SYT1: variants seen among roughly 807,000 people sequenced by gnomAD.
SYT1 encodes the protein synaptotagmin 1.
A neutral mutation model predicts 44.8 loss-of-function variants in SYT1; 8 were observed. The ratio of observed to expected loss-of-function variants is 0.18; its 90% CI spans 0.10 to 0.32. The LOEUF (loss-of-function observed/expected upper bound fraction) is 0.32, where lower values mean the gene tolerates loss of function less well. Among genes scored for constraint, SYT1 ranks in the 10% least tolerant of loss-of-function variants. The probability of loss-of-function intolerance (pLI) is 1.00; values close to 1 mark genes in which losing one functional copy is unlikely to be tolerated. For missense variants in SYT1, 286 were observed against 509.3 expected (o/e 0.56, Z 4.22); for synonymous variants, 154 against 188.8 (o/e 0.82, Z 1.51).
intron 2 of SYT1, among the ~76,000 whole-genome samples, chr12:79,044,961 G>A (rs904758429): frequency 1.3e-5 from 2 of 152,186 alleles, no homozygotes; most frequent in African/African-American, 2.4e-5. Flanking sequence ...ACACACTTGA[G>A]GAGGCAGTCT....
chr12:78,913,159 T>C (rs1353238853), intron 1 of SYT1, among the ~76,000 whole-genome samples: 1 of 151,682 alleles, frequency 6.6e-6, no homozygotes. Flanking sequence ...ATTTTATTTC[T>C]CTGTTCTTCA....
chr12:78,890,445 G>A (rs145447495), intron 1 of SYT1, among the ~76,000 whole-genome samples: 7 of 151,930 alleles, frequency 4.6e-5, no homozygotes, highest in East Asian at 1.9e-4. Context: ...TGTAAATGAC[G>A]AGTTAATGGG....
At chr12:79,227,876 A>G (rs1477889276) in intron 4 of SYT1, among the ~76,000 whole-genome samples, 1 of 152,176 alleles carries the variant, frequency 6.6e-6, no homozygotes, top group Non-Finnish European at 1.5e-5. Context: ...TTTCTATTTT[A>G]GAAAAACCCT....
At chr12:79,229,589 ATTTTTTAT>A (rs1239621876) in intron 4 of SYT1, among the ~76,000 whole-genome samples, 3 of 105,196 alleles carry the variant, frequency 2.9e-5, no homozygotes, top group African/African-American at 1.2e-4. Flanking sequence ...GGTTTTTTTT[ATTTTTTAT>A]TTTTTTATTT....
At chr12:79,131,151 T>C (rs190251524) in intron 3 of SYT1, among the ~76,000 whole-genome samples, 111 of 152,184 alleles carry the variant, frequency 7.3e-4, no homozygotes, top group African/African-American at 2.5e-3. Flanking sequence ...TGTTTTATTA[T>C]ACTTTAAGTT....
chr12:78,995,196 GT>G (rs1305115975), intron 2 of SYT1, among the ~76,000 whole-genome samples: 1 of 152,150 alleles, frequency 6.6e-6, no homozygotes, highest in Admixed American at 6.5e-5. Context: ...ACTAATTGAA[GT>G]TTTAACAAGA....
chr12:78,944,544 TA>T (rs1287941924), intron 1 of SYT1, among the ~76,000 whole-genome samples: 1 of 152,068 alleles, frequency 6.6e-6, no homozygotes. Context: ...ATGCAGTTAT[TA>T]AAAACTCCCT....
chr12:79,431,513 ATTATTTAT>A (rs35004307), intron 9 of SYT1, among the ~76,000 whole-genome samples: 69 of 142,720 alleles, frequency 4.8e-4, no homozygotes, highest in African/African-American at 1.0e-3. Flanking sequence ...ATTTTATTTT[ATTATTTAT>A]TTATTTATTT....
rs1249738383 is a variant in SYT1 at position 79,179,460 on chromosome 12, T to TATATAG, written c.-17-38029_-17-38024dup. Among the ~76,000 whole-genome samples the TATATAG allele has an allele frequency of 7.8e-4, 61 of 78,394 alleles. 10 individuals carry two copies. The highest frequency in any genetic ancestry group is 3.5e-3 in the African/African-American group (58 of 16,454). 51.4% of individuals were successfully genotyped at this position (78,394 alleles called of 152,430 possible). On this transcript the variant is annotated intron_variant, in intron 3 of 10. Coordinates refer to ENST00000261205, the MANE Select transcript of SYT1 (RefSeq NM_005639.3). ...TATCCATATAGATATAGATATAATCTATATAGATATAGATATAGAGATATA... is the reference window on the plus strand; with the variant it reads ...TATCCATATAGATATAGATATAATCTATATAGATATAGATATAGATATAGAGATATA...
At chr12:79,248,361 A>G (rs1241759974) in intron 4 of SYT1, among the ~76,000 whole-genome samples, 1 of 152,232 alleles carries the variant, frequency 6.6e-6, no homozygotes, top group Non-Finnish European at 1.5e-5. Flanking sequence ...TGTGCAGGTG[A>G]TGGAGAACCT....
At chr12:79,340,861 C>T (rs1882339820) in intron 8 of SYT1, among the ~76,000 whole-genome samples, 1 of 152,138 alleles carries the variant, frequency 6.6e-6, no homozygotes, top group East Asian at 1.9e-4. Flanking sequence ...GACAAGGACA[C>T]TTTTGGAATT....
chr12:79,182,660 T>G (rs1455123707), intron 3 of SYT1, among the ~76,000 whole-genome samples: 2 of 152,112 alleles, frequency 1.3e-5, no homozygotes, highest in African/African-American at 4.8e-5. Flanking sequence ...AGTTTTTAAC[T>G]GACTGAAAGC....
At chr12:79,133,901 G>A (rs1168465347) in intron 3 of SYT1, among the ~76,000 whole-genome samples, 1 of 152,204 alleles carries the variant, frequency 6.6e-6, no homozygotes, top group Non-Finnish European at 1.5e-5. Flanking sequence ...TCAGAATTGA[G>A]GAGAAAGGCC....
chr12:79,253,653 G>A (rs908539170), intron 4 of SYT1, among the ~76,000 whole-genome samples: 1 of 152,080 alleles, frequency 6.6e-6, no homozygotes, highest in South Asian at 2.1e-4. Flanking sequence ...TAAATCTAAA[G>A]CCAGGAATGA....
intron 9 of SYT1, among the ~76,000 whole-genome samples, chr12:79,407,302 TAG>T (rs1434435299): frequency 6.6e-6 from 1 of 151,990 alleles, no homozygotes; most frequent in Non-Finnish European, 1.5e-5. Context: ...GAAAGGAAAA[TAG>T]ACTCATAAGA....
rs561826869 is a variant in SYT1 at position 79,020,871 on chromosome 12, T to A, written c.-83-26426T>A. Among the ~76,000 whole-genome samples, 3 of 152,042 alleles carry A rather than the reference T, an allele frequency of 2.0e-5. No individual in the cohort carries two copies. The South Asian group carries it at 6.2e-4, about 31-fold the overall frequency. On this transcript the variant is annotated intron_variant, in intron 2 of 10. Coordinates refer to ENST00000261205, the MANE Select transcript of SYT1 (RefSeq NM_005639.3). ...TGGGTGGTAAAGTAAAAACACAGTG[T>A]GATGATGACTCCAAAGGGCTTCAAG...
chr12:78,929,878 G>A (rs765381308), intron 1 of SYT1, among the ~76,000 whole-genome samples: 4 of 152,162 alleles, frequency 2.6e-5, no homozygotes, highest in Non-Finnish European at 4.4e-5. Flanking sequence ...GAAAGAATGT[G>A]GTGGGGGGAA....
chr12:79,035,949 CA>C (rs5799409), intron 2 of SYT1, among the ~76,000 whole-genome samples: 22,237 of 128,096 alleles, frequency 0.17, 2,093 homozygotes, highest in African/African-American at 0.29. Context: ...AACAAACAAA[CA>C]AAAAAAAAAA....
intron 3 of SYT1, among the ~76,000 whole-genome samples, chr12:79,179,920 C>T (rs1872414885): frequency 6.6e-6 from 1 of 151,952 alleles, no homozygotes; most frequent in Non-Finnish European, 1.5e-5. Context: ...TTTTTTATGG[C>T]TCCATAGTTC....
Sources: gnomAD v4.1 joint callset for allele counts (sites outside exome capture counted in the v4.1 genomes callset) on GRCh38, gnomAD v4.1.1 for gene constraint, MANE v1.5 for transcripts, NCBI Gene and HGNC (gene_info 2026-07-23, HGNC 2026-07-21) for gene names.